SYN3: variants seen among roughly 807,000 people sequenced by gnomAD.
The protein encoded by SYN3 is synapsin-3.
In SYN3, 35 loss-of-function variants were observed where a neutral mutation model predicts 65.8. The ratio of observed to expected loss-of-function variants is 0.53; its 90% CI spans 0.41 to 0.70. The LOEUF is 0.70. Ranked by LOEUF, SYN3 falls within the 30% of genes least tolerant of loss-of-function variation. The pLI is 0.00. For synonymous variants in SYN3, 270 were observed against 292.9 expected (o/e 0.92, Z 0.80); for missense variants, 680 against 749.0 (o/e 0.91, Z 1.08).
chr22:32,614,012 C>T (rs988340315), intron 6 of SYN3, among the ~76,000 whole-genome samples: 1 of 152,216 alleles, frequency 6.6e-6, no homozygotes, highest in African/African-American at 2.4e-5. Context: ...CTTCACTTCT[C>T]TGTGCTTCAA....
At chr22:32,734,953 A>G (rs1270725961) in intron 6 of SYN3, among the ~76,000 whole-genome samples, 1 of 152,206 alleles carries the variant, frequency 6.6e-6, no homozygotes, top group East Asian at 1.9e-4. Flanking sequence ...AGGATCACAA[A>G]AAGCTAAATC....
At chr22:32,606,997 T>C (rs2059381440) in intron 6 of SYN3, among the ~76,000 whole-genome samples, 1 of 151,796 alleles carries the variant, frequency 6.6e-6, no homozygotes, top group Admixed American at 6.6e-5. Context: ...CTCCTAATGC[T>C]GTCCCTCCCC....
chr22:32,532,322 G>T lies in SYN3; in HGVS notation c.1095+1471C>A, dbSNP rs540373929. Among the ~76,000 whole-genome samples the T allele has an allele frequency of 3.9e-5, 6 of 152,402 alleles. No individual in the cohort carries two copies. In the East Asian group the frequency reaches 1.2e-3, roughly 29 times the overall value. ...AGGAGCTGCCGTGCTGGGGGTTCCT[G>T]CCCCACCTCTGGGCTGAAGCTCCCA... On this transcript the variant is annotated intron_variant, in intron 10 of 13. Transcript: ENST00000358763.
intron 6 of SYN3, among the ~76,000 whole-genome samples, chr22:32,797,656 A>G (rs1289838504): frequency 6.6e-6 from 1 of 152,212 alleles, no homozygotes; most frequent in African/African-American, 2.4e-5. Flanking sequence ...TGGCATCACA[A>G]TCTTCTCTGA....
At chr22:32,912,767 CCAA>C (rs1304272750) in intron 4 of SYN3, among the ~76,000 whole-genome samples, 2 of 151,960 alleles carry the variant, frequency 1.3e-5, no homozygotes, top group African/African-American at 4.8e-5. Context: ...CTGAATAATT[CCAA>C]CAACATGACA....
intron 4 of SYN3, among the ~76,000 whole-genome samples, chr22:32,870,351 T>A (rs1428640087): frequency 1.3e-5 from 2 of 152,176 alleles, no homozygotes; most frequent in African/African-American, 2.4e-5. Context: ...TTCCACATAA[T>A]AATATAGTGT....
At chr22:32,626,795 T>G (rs1341948204) in intron 6 of SYN3, among the ~76,000 whole-genome samples, 3 of 152,154 alleles carry the variant, frequency 2.0e-5, no homozygotes, top group African/African-American at 4.8e-5. Context: ...AATCCTAGGG[T>G]GACAAAGCTG....
At chr22:33,002,915 C>A (rs5998689) in intron 2 of SYN3, among the ~76,000 whole-genome samples, 31,025 of 152,000 alleles carry the variant, frequency 0.2, 3,261 homozygotes, top group African/African-American at 0.21. Flanking sequence ...GGGAGGGATT[C>A]AGTGGGAAGT....
In SYN3 at chr22:32,650,240, TCCCTCC is replaced by T. The variant is rs1569124644; in HGVS notation, c.712-53510_712-53505del. Among the ~76,000 whole-genome samples the T allele has an allele frequency of 1.6e-3, 119 of 72,898 alleles. 2 individuals are homozygous for T. Among genetic ancestry groups the T allele is most frequent in the African/African-American group, 8.5e-3 (108 of 12,672 alleles). The allele number at this position is 72,898 out of a possible 152,430, so 47.8% of individuals were successfully genotyped here. A position where few individuals can be genotyped will look rare whatever the true frequency, so the allele number is the denominator to read the frequency against. On this transcript the variant is annotated intron_variant, in intron 6 of 13. Transcript: ENST00000358763. Reference sequence around the variant, plus strand: ...TTCTCTCTCTCTCTCTCTCCCTCCCTCCCTCCCTCCCTCCCTCCCTCTCTCTCTCTC... The same window carrying T: ...TTCTCTCTCTCTCTCTCTCCCTCCCTCTCCCTCCCTCCCTCTCTCTCTCTC...
intron 6 of SYN3, among the ~76,000 whole-genome samples, chr22:32,605,348 CTG>C (rs1415483667): frequency 2.6e-5 from 4 of 152,092 alleles, no homozygotes; most frequent in Non-Finnish European, 5.9e-5. Flanking sequence ...GGAGTTTGAA[CTG>C]TGTTTCATGG....
rs117798020 is a variant in SYN3, at chr22:32,999,086, G to A, written c.311+7266C>T. ...GGGACATTAGGAAGAGTAAGAGACA[G>A]GCCTTGTTCTTGCAGAAGAGACGAT... On this transcript the variant is annotated intron_variant, in intron 2 of 13. Coordinates refer to ENST00000358763, the MANE Select transcript of SYN3 (RefSeq NM_003490.4). Among the ~76,000 whole-genome samples, 140 of 152,276 alleles carry A rather than the reference G, an allele frequency of 9.2e-4. No individual in the cohort carries two copies. In the East Asian group the frequency reaches 0.022, roughly 24 times the overall value.
At chr22:32,675,037 G>C (rs1014851462) in intron 6 of SYN3, among the ~76,000 whole-genome samples, 2 of 152,192 alleles carry the variant, frequency 1.3e-5, no homozygotes, top group Non-Finnish European at 2.9e-5. Flanking sequence ...ACAAAGTTCT[G>C]TCTGAATCTA....
intron 6 of SYN3, among the ~76,000 whole-genome samples, chr22:32,848,106 T>C (rs1049475493): frequency 6.6e-6 from 1 of 152,246 alleles, no homozygotes. Context: ...AAGACAGCTC[T>C]TGGGTGCTTC....
At chr22:32,912,039 C>T (rs1038110356) in intron 4 of SYN3, among the ~76,000 whole-genome samples, 5 of 152,180 alleles carry the variant, frequency 3.3e-5, no homozygotes, top group Non-Finnish European at 7.3e-5. Flanking sequence ...TGTAGCTTAT[C>T]GTACGCATCA....
intron 1 of SYN3, among the ~76,000 whole-genome samples, chr22:33,050,339 C>T (rs928204323): frequency 6.6e-6 from 1 of 151,882 alleles, no homozygotes; most frequent in African/African-American, 2.4e-5. Flanking sequence ...AAAAATTAGC[C>T]GGGCGTGGTG....
intron 4 of SYN3, among the ~76,000 whole-genome samples, chr22:32,881,618 C>T (rs755948739): frequency 4.6e-5 from 7 of 152,226 alleles, no homozygotes; most frequent in Non-Finnish European, 7.3e-5. Flanking sequence ...AGCCACTTCT[C>T]GCTGGTTCCC....
intron 6 of SYN3, among the ~76,000 whole-genome samples, chr22:32,689,808 G>A (rs943846763): frequency 7.8e-4 from 119 of 152,260 alleles, no homozygotes; most frequent in African/African-American, 2.7e-3. Flanking sequence ...ATGGTGTTAG[G>A]AGATGGGGCC....
At chr22:32,902,220 T>C (rs1444454516) in intron 4 of SYN3, among the ~76,000 whole-genome samples, 1 of 152,206 alleles carries the variant, frequency 6.6e-6, no homozygotes. Context: ...CAAGACAATA[T>C]GAAACAACTG....
At chr22:32,663,448 A>G (rs923713161) in intron 6 of SYN3, among the ~76,000 whole-genome samples, 11 of 151,726 alleles carry the variant, frequency 7.2e-5, no homozygotes, top group Non-Finnish European at 1.3e-4. Flanking sequence ...ATAGGCACCC[A>G]CCACCACGCC....
Sources: allele counts gnomAD v4.1 joint callset (sites outside exome capture counted in the v4.1 genomes callset), GRCh38; gene constraint gnomAD v4.1.1; transcripts MANE v1.5; gene names NCBI Gene and HGNC (gene_info 2026-07-23, HGNC 2026-07-21).